The following DYRK1A variants were observed in gnomAD, a reference collection of about 807,000 sequenced individuals.
DYRK1A encodes dual specificity tyrosine phosphorylation regulated kinase 1A.
DYRK1A carries 9 observed loss-of-function variants against 79.7 expected under a neutral mutation model. The observed-to-expected ratio is 0.11, with a 90% CI of 0.07 to 0.20. The LOEUF (loss-of-function observed/expected upper bound fraction) is 0.20, where lower values mean the gene tolerates loss of function less well. Among genes scored for constraint, DYRK1A ranks in the 10% least tolerant of loss-of-function variants. The pLI, the probability that DYRK1A is intolerant of heterozygous loss-of-function variation, is 1.00. For synonymous variants in DYRK1A, 349 were observed against 329.7 expected (o/e 1.06, Z -0.63); for missense variants, 622 against 956.0 (o/e 0.65, Z 4.61).
chr21:37,450,005 G>A (rs2051394732), intron 2 of DYRK1A, among the ~76,000 whole-genome samples: 1 of 152,158 alleles, frequency 6.6e-6, no homozygotes, highest in Admixed American at 6.5e-5. Context: ...AGCCAGGGTC[G>A]CAGCAGAAGA....
At position 37,440,325 on chromosome 21, in the gene DYRK1A, C is replaced by T. The variant is rs145306926; in HGVS notation, c.10+19941C>T. Among the ~76,000 whole-genome samples, 879 of 151,382 alleles carry T rather than the reference C, an allele frequency of 5.8e-3. 4 individuals carry two copies. The highest frequency in any genetic ancestry group is 0.011 in the South Asian group (55 of 4,790). ...TAATTTTTTGTATTTTTAGTAGAGA[C>T]AGGGTTTCACCATGCTGATCAGGCT... On this transcript the variant is annotated intron_variant, in intron 2 of 11. Transcript: ENST00000647188.
chr21:37,476,133 T>G (rs144967628), intron 3 of DYRK1A, among the ~76,000 whole-genome samples: 15 of 152,284 alleles, frequency 9.9e-5, no homozygotes, highest in African/African-American at 2.9e-4. Context: ...TACAATATTA[T>G]AGTAGCTGCA....
intron 2 of DYRK1A, among the ~76,000 whole-genome samples, chr21:37,457,037 C>CTTACTTACTTACTTACTTACTTACTTAT (rs1035437095): frequency 1.7e-5 from 1 of 59,228 alleles, no homozygotes; most frequent in East Asian, 6.6e-4. Context: ...TACTTACTTA[C>CTTACTTACTTACTTACTTACTTACTTAT]TTATTTATTT....
rs148375142 is a variant in DYRK1A at position 37,404,729 on chromosome 21, A to G, written c.-76-15570A>G. On this transcript the variant is annotated intron_variant, in intron 1 of 11. Coordinates refer to ENST00000647188, the MANE Select transcript of DYRK1A (RefSeq NM_001347721.2). ...GATTGTCAGAAAACAGTTGGCGCAA[A>G]TATTTTCTTCAGTTTTGTGGTTGTT... Among the ~76,000 whole-genome samples, 438 of 152,316 alleles carry G rather than the reference A, an allele frequency of 2.9e-3. 1 individual carries two copies. The highest frequency in any genetic ancestry group is 0.01 in the African/African-American group (419 of 41,558).
chr21:37,442,041 G>A (rs891528856), intron 2 of DYRK1A, among the ~76,000 whole-genome samples: 3 of 148,952 alleles, frequency 2.0e-5, no homozygotes, highest in Admixed American at 6.7e-5. Flanking sequence ...ATTTAAAAAT[G>A]TTGCTGCACC....
intron 4 of DYRK1A, among the ~76,000 whole-genome samples, chr21:37,479,516 T>G (rs2052523051): frequency 6.6e-6 from 1 of 151,902 alleles, no homozygotes; most frequent in Non-Finnish European, 1.5e-5. Flanking sequence ...AAAGTTAGTT[T>G]ACCAGTTACC....
intron 2 of DYRK1A, among the ~76,000 whole-genome samples, chr21:37,459,361 G>A (rs2051763052): frequency 6.6e-6 from 1 of 152,186 alleles, no homozygotes; most frequent in South Asian, 2.1e-4. Context: ...TGCAGTGAAA[G>A]TATGAATCCT....
intron 1 of DYRK1A, among the ~76,000 whole-genome samples, chr21:37,411,364 C>T (rs28692714): frequency 0.01 from 1,402 of 135,950 alleles, 20 homozygotes; most frequent in African/African-American, 0.036. Context: ...TCCCCCCCAA[C>T]CCCCTCCCCC....
chr21:37,425,875 TAGG>T (rs1483867519), intron 2 of DYRK1A: 1 of 152,204 alleles, frequency 6.6e-6, no homozygotes, highest in Non-Finnish European at 1.5e-5. Flanking sequence ...GACCTGAGAA[TAGG>T]AGAACCCTAA....
chr21:37,446,889 C>T (rs951327368), intron 2 of DYRK1A, among the ~76,000 whole-genome samples: 4 of 152,166 alleles, frequency 2.6e-5, no homozygotes, highest in Non-Finnish European at 2.9e-5. Flanking sequence ...AGGAGTTCTG[C>T]TCCTTTTGTG....
At chr21:37,369,163 TTA>T (rs966452184) in intron 1 of DYRK1A, among the ~76,000 whole-genome samples, 16 of 152,340 alleles carry the variant, frequency 1.1e-4, no homozygotes, top group African/African-American at 3.8e-4. Context: ...CTTTTATAGT[TTA>T]TGTGTCCAAA....
intron 2 of DYRK1A, among the ~76,000 whole-genome samples, chr21:37,459,913 A>G (rs1438257189): frequency 6.6e-6 from 1 of 152,214 alleles, no homozygotes; most frequent in East Asian, 1.9e-4. Flanking sequence ...ATGCAAATTA[A>G]AAATATATAT....
intron 1 of DYRK1A, among the ~76,000 whole-genome samples, chr21:37,416,729 G>T (rs1313332673): frequency 1.3e-5 from 2 of 151,854 alleles, no homozygotes; most frequent in Non-Finnish European, 2.9e-5. Flanking sequence ...CTTGATTTCT[G>T]TTTTGTAGCT....
At chr21:37,405,732 T>C (rs1290808849) in intron 1 of DYRK1A, among the ~76,000 whole-genome samples, 4 of 152,196 alleles carry the variant, frequency 2.6e-5, no homozygotes, top group African/African-American at 7.2e-5. Flanking sequence ...CTCATAACTT[T>C]AGCATGGTGT....
intron 1 of DYRK1A, among the ~76,000 whole-genome samples, chr21:37,418,502 G>A (rs2050402369): frequency 6.6e-6 from 1 of 152,072 alleles, no homozygotes; most frequent in Non-Finnish European, 1.5e-5. Context: ...CGAAACTGGC[G>A]AGGTGTAAGT....
chr21:37,478,599 C>T (rs1216777978), intron 4 of DYRK1A, among the ~76,000 whole-genome samples: 1 of 151,340 alleles, frequency 6.6e-6, no homozygotes, highest in Non-Finnish European at 1.5e-5. Context: ...TCTGTAATAA[C>T]TTATTCAAAA....
At chr21:37,420,206 T>C in intron 1 of DYRK1A, 93 bp from the exon 2 acceptor site, 2 of 434,334 alleles carry the variant, frequency 4.6e-6, no homozygotes, top group Non-Finnish European at 8.0e-6. Flanking sequence ...TTATTCTTTA[T>C]GTTTTGGGAT....
Position 37,442,677 on chromosome 21 carries a change from G to A in DYRK1A, c.10+22293G>A, listed in dbSNP as rs530100435. Among the ~76,000 whole-genome samples the A allele has an allele frequency of 1.8e-3, 279 of 152,160 alleles. 1 individual carries two copies. The highest frequency in any genetic ancestry group is 3.9e-3 in the Admixed American group (59 of 15,282). ...TGGATTTGAATTCCTGGCCTCAAGT[G>A]ATATTCCTGTCCCAGCCTCCCAAAG... On this transcript the variant is annotated intron_variant, in intron 2 of 11. Coordinates refer to ENST00000647188, the MANE Select transcript of DYRK1A (RefSeq NM_001347721.2).
At chr21:37,428,108 G>GT (rs2050678006) in intron 2 of DYRK1A, among the ~76,000 whole-genome samples, 1 of 152,190 alleles carries the variant, frequency 6.6e-6, no homozygotes, top group South Asian at 2.1e-4. Context: ...CACACAGCTA[G>GT]TAAGGGATGG....
Sources: gnomAD v4.1 joint callset for allele counts (sites outside exome capture counted in the v4.1 genomes callset) on GRCh38, gnomAD v4.1.1 for gene constraint, MANE v1.5 for transcripts, NCBI Gene and HGNC (gene_info 2026-07-23, HGNC 2026-07-21) for gene names.